ARHGAP1: variants seen among roughly 807,000 people sequenced by gnomAD.
ARHGAP1 encodes Rho GTPase activating protein 1.
Under a neutral mutation model 52.2 loss-of-function variants are expected in ARHGAP1, and 23 were observed. That is an observed-to-expected ratio of 0.44 (90% CI 0.32 to 0.62). ARHGAP1 has a LOEUF of 0.62. Ranked by LOEUF, ARHGAP1 falls within the 20% of genes least tolerant of loss-of-function variation. The pLI, the probability that ARHGAP1 is intolerant of heterozygous loss-of-function variation, is 0.05. For synonymous variants in ARHGAP1, 210 were observed against 228.4 expected, an observed-to-expected ratio of 0.92 and a Z score of 0.73; for missense variants, 480 against 560.9, an observed-to-expected ratio of 0.86 and a Z score of 1.46.
At position 46,679,707 on chromosome 11, in the gene ARHGAP1, C is replaced by T. The variant is rs749420115; in HGVS notation, c.968G>A (p.Arg323Gln). Residue 323 changes from arginine (R) to glutamine (Q), a missense_variant, in exon 11 of 13, where the codon CGG becomes CAG. Coordinates refer to ENST00000311956, the MANE Select transcript of ARHGAP1 (RefSeq NM_004308.5). The surrounding 1 kb of genome is among the most constrained non-coding windows in gnomAD (Gnocchi z 4.4). ...LPAVILKTFLRELPEPLLTFD... is the reference protein window; with the variant it reads ...LPAVILKTFLQELPEPLLTFD... ...GGTGAGCAGGGGCTCAGGAAGCTCCCGGAGGAAGGTCTTGAGGATGACTGC... is the reference window on the plus strand; with the variant it reads ...GGTGAGCAGGGGCTCAGGAAGCTCCTGGAGGAAGGTCTTGAGGATGACTGC... 2.5e-6 allele frequency: 4 copies of T among 1,613,986 alleles called. No individual in the cohort carries two copies. The highest frequency in any genetic ancestry group is 2.2e-5 in the East Asian group (1 of 44,896).
chr11:46,682,227 C>A (rs770854052), intron 4 of ARHGAP1, 45 bp from the exon 5 acceptor site: 10 of 1,597,132 alleles, frequency 6.3e-6, no homozygotes, highest in South Asian at 3.3e-5. Context: ...TGCACAGGGG[C>A]GGCCCCACGA....
In ARHGAP1 at chr11:46,677,917, C is replaced by T. The variant is rs545612403; in HGVS notation, c.*1120G>A. 1.5e-3 allele frequency: 668 copies of T among 434,172 alleles called. 10 individuals are homozygous for T. Among genetic ancestry groups the T allele is most frequent in the South Asian group, 0.01 (643 of 61,574 alleles). 26.9% of individuals were successfully genotyped at this position (434,172 alleles called of 1,614,324 possible). The stretch of plus-strand genomic sequence containing the variant: ...CGAGATCGCGCCACTGCACTCCAGC[C>T]TGGTGACAGAGCGAGACTCCATCTC... On this transcript the variant is annotated 3_prime_UTR_variant, in exon 13 of 13. Coordinates refer to ENST00000311956, the MANE Select transcript of ARHGAP1 (RefSeq NM_004308.5).
intron 3 of ARHGAP1, among the ~76,000 whole-genome samples, chr11:46,694,330 T>C (rs1282577994): frequency 2.0e-5 from 3 of 151,592 alleles, no homozygotes; most frequent in Non-Finnish European, 4.4e-5. Context: ...GAGACTGCAA[T>C]TAAGCTAGCC....
intron 3 of ARHGAP1, among the ~76,000 whole-genome samples, chr11:46,690,318 C>T (rs1306302190): frequency 1.3e-5 from 2 of 151,680 alleles, no homozygotes; most frequent in South Asian, 4.2e-4. Flanking sequence ...ACCCAGGAGA[C>T]GGAGCTTGCA....
Position 46,680,120 on chromosome 11 carries a change from A to G in ARHGAP1, c.898+85T>C, listed in dbSNP as rs1281651507. On this transcript the variant is annotated intron_variant, in intron 10 of 12. Transcript: ENST00000311956. This position sits in a 1 kb window ranked among gnomAD's most constrained non-coding sequence, Gnocchi z 5.9. The stretch of plus-strand genomic sequence containing the variant: ...ACCTCCAGCAGGAAGAGACTCTGAG[A>G]CTCTCATTTACAGGGCAGCAGAGGG... 9.0e-6 allele frequency: 13 copies of G among 1,441,840 alleles called. No individual in the cohort carries two copies. The East Asian group carries it at 3.0e-4, about 33-fold the overall frequency. 89.3% of individuals were successfully genotyped at this position (1,441,840 alleles called of 1,614,324 possible). A position where few individuals can be genotyped will look rare whatever the true frequency, so the allele number is the denominator to read the frequency against.
In ARHGAP1 at chr11:46,681,409, C is replaced by G. The variant is rs769759833; in HGVS notation, c.450-30G>C. On this transcript the variant is annotated intron_variant, in intron 5 of 12. Coordinates refer to ENST00000311956, the MANE Select transcript of ARHGAP1 (RefSeq NM_004308.5). The surrounding 1 kb of genome is among the most constrained non-coding windows in gnomAD (Gnocchi z 5.7). ...AGAGACAGAATGGACAACTCAGGAG[C>G]AGGCGTGGTGGGACAGGTGCCACGC... The G allele has an allele frequency of 6.5e-7, 1 of 1,548,330 alleles. No individual in the cohort carries two copies. Among genetic ancestry groups the G allele is most frequent in the Non-Finnish European group, 8.9e-7 (1 of 1,120,536 alleles).
At position 46,677,989 on chromosome 11, in the gene ARHGAP1, G is replaced by A. The variant is rs2064493157; in HGVS notation, c.*1048C>T. 6.9e-6 allele frequency: 3 copies of A among 434,266 alleles called. No individual in the cohort carries two copies. The highest frequency in any genetic ancestry group is 6.3e-5 in the African/African-American group (3 of 47,596). 26.9% of individuals were successfully genotyped at this position (434,266 alleles called of 1,614,324 possible). On this transcript the variant is annotated 3_prime_UTR_variant, in exon 13 of 13. Coordinates refer to ENST00000311956, the MANE Select transcript of ARHGAP1 (RefSeq NM_004308.5). ...GCCCTAGAGCCCCTTAATCCCCTGG[G>A]GAAATTGCTAGAACCCACCTATCTG...
intron 2 of ARHGAP1, 29 bp downstream of exon 2, chr11:46,695,946 T>C (rs1434200966): frequency 6.2e-7 from 1 of 1,614,090 alleles, no homozygotes; most frequent in Admixed American, 1.7e-5. Flanking sequence ...AAAGCGCCTG[T>C]AGCTGCCTGA....
At position 46,688,269 on chromosome 11, in the gene ARHGAP1, G is replaced by A. The variant is rs774872928; in HGVS notation, c.230-9C>T. On this transcript the variant is annotated splice_polypyrimidine_tract_variant and intron_variant, in intron 3 of 12. Transcript: ENST00000311956. ...CCCATACTTGTCATCTCCTAGGTGT[G>A]GAGAAAGATGGAGCACAGTGGGTTG... 11 of 1,610,680 alleles carry A rather than the reference G, an allele frequency of 6.8e-6. No individual in the cohort carries two copies. Among genetic ancestry groups the A allele is most frequent in the South Asian group, 2.2e-5 (2 of 90,568 alleles).
In ARHGAP1 at chr11:46,681,428, G is replaced by A. The variant is rs775641424; in HGVS notation, c.450-49C>T. ...CAGGAGCAGGCGTGGTGGGACAGGTGCCACGCTAGGGTCCCAGTGCATACT... is the reference window on the plus strand; with the variant it reads ...CAGGAGCAGGCGTGGTGGGACAGGTACCACGCTAGGGTCCCAGTGCATACT... On this transcript the variant is annotated intron_variant, in intron 5 of 12. Transcript: ENST00000311956. This position sits in a 1 kb window ranked among gnomAD's most constrained non-coding sequence, Gnocchi z 5.7. The A allele has an allele frequency of 7.2e-7, 1 of 1,381,830 alleles. No homozygotes were observed. Among genetic ancestry groups the A allele is most frequent in the South Asian group, 1.2e-5 (1 of 85,990 alleles). 85.6% of individuals were successfully genotyped at this position (1,381,830 alleles called of 1,614,324 possible). A position where few individuals can be genotyped will look rare whatever the true frequency, so the allele number is the denominator to read the frequency against.
chr11:46,695,761 G>A lies in ARHGAP1; in HGVS notation c.134-6C>T. The A allele has an allele frequency of 6.4e-7, 1 of 1,552,648 alleles. No homozygotes were observed. Among genetic ancestry groups the A allele is most frequent in the Non-Finnish European group, 8.7e-7 (1 of 1,147,408 alleles). On this transcript the variant is annotated splice_polypyrimidine_tract_variant and splice_region_variant and intron_variant, in intron 2 of 12. Transcript: ENST00000311956. ...GGAGCTGCTTTTGGAGTCATCTGAGGAACACAGCAGGGTCAGGGGACAAGC... is the reference window on the plus strand; with the variant it reads ...GGAGCTGCTTTTGGAGTCATCTGAGAAACACAGCAGGGTCAGGGGACAAGC...
intron 4 of ARHGAP1, chr11:46,687,063 CT>C (rs2064575362): frequency 6.6e-6 from 1 of 152,326 alleles, no homozygotes; most frequent in African/African-American, 2.4e-5. Context: ...CATCCACTGA[CT>C]TCCTCCCACT....
chr11:46,686,428 C>G (rs1025537679), intron 4 of ARHGAP1, among the ~76,000 whole-genome samples: 1 of 151,418 alleles, frequency 6.6e-6, no homozygotes, highest in Non-Finnish European at 1.5e-5. Flanking sequence ...CAGGCACGTT[C>G]TTTTTTTTGA....
rs1484581845 is a variant in ARHGAP1, at chr11:46,681,364, G to A, written c.465C>T (p.Ile155=). 3.7e-6 allele frequency: 6 copies of A among 1,611,968 alleles called. No homozygotes were observed. Among genetic ancestry groups the A allele is most frequent in the Non-Finnish European group, 5.1e-6 (6 of 1,178,158 alleles). Reference sequence around the variant, plus strand: ...TTGGATGCACGATGTACAAGGCCTTGATGTTTTTCTTGTACCTGCAGAGAC... The same window carrying A: ...TTGGATGCACGATGTACAAGGCCTTAATGTTTTTCTTGTACCTGCAGAGAC... ...REFDRKYKKN[I]KALYIVHPTM... is the part of the protein sequence containing the mutation. The change falls in exon 6 of 13, where the codon ATC becomes ATT. Residue 155 remains isoleucine (I), a synonymous_variant. Coordinates refer to ENST00000311956, the MANE Select transcript of ARHGAP1 (RefSeq NM_004308.5). The surrounding 1 kb of genome is among the most constrained non-coding windows in gnomAD (Gnocchi z 5.7).
In ARHGAP1 at chr11:46,681,622, CA is replaced by C. The variant is rs1195359754; in HGVS notation, c.450-244del. 7.4e-5 allele frequency: 33 copies of C among 448,516 alleles called. 1 individual carries two copies. Among genetic ancestry groups the C allele is most frequent in the South Asian group, 3.1e-4 (14 of 45,666 alleles). The allele number at this position is 448,516 out of a possible 1,614,324, so 27.8% of individuals were successfully genotyped here. The stretch of plus-strand genomic sequence containing the variant: ...CTAATTTTTGTATTTTTAGCGGAGA[CA>C]GGGTTTCACCATGTTGGCCAGGCTG... On this transcript the variant is annotated intron_variant, in intron 5 of 12. Coordinates refer to ENST00000311956, the MANE Select transcript of ARHGAP1 (RefSeq NM_004308.5). The surrounding 1 kb of genome is among the most constrained non-coding windows in gnomAD (Gnocchi z 5.7).
intron 4 of ARHGAP1, among the ~76,000 whole-genome samples, chr11:46,682,621 T>C (rs1467823129): frequency 6.6e-6 from 1 of 150,536 alleles, no homozygotes; most frequent in East Asian, 1.9e-4. Context: ...GAGGCGGAGG[T>C]TTCAGTGAGC....
chr11:46,680,405 C>G lies in ARHGAP1; in HGVS notation c.820+82G>C. 4.4e-6 allele frequency: 7 copies of G among 1,585,346 alleles called. No homozygotes were observed. The highest frequency in any genetic ancestry group is 6.1e-6 in the Non-Finnish European group (7 of 1,154,916). ...GGACGTTGAGGCTTGCAGGACCTCC[C>G]TCTGCCCTGCCCAGCAGCTTCCCCA... On this transcript the variant is annotated intron_variant, in intron 9 of 12. Coordinates refer to ENST00000311956, the MANE Select transcript of ARHGAP1 (RefSeq NM_004308.5). This position sits in a 1 kb window ranked among gnomAD's most constrained non-coding sequence, Gnocchi z 5.9.
chr11:46,677,946 A>G lies in ARHGAP1; in HGVS notation c.*1091T>C, dbSNP rs766622593. 1.8e-4 allele frequency: 61 copies of G among 334,854 alleles called. No homozygotes were observed. The highest frequency in any genetic ancestry group is 1.1e-3 in the African/African-American group (50 of 44,642). The allele number at this position is 334,854 out of a possible 1,614,324, so 20.7% of individuals were successfully genotyped here. ...TGACAGAGCGAGACTCCATCTCAGA[A>G]AAAAAAAAAAAAAGGTGGCCCTAGA... is the stretch of plus-strand genomic sequence containing the variant. On this transcript the variant is annotated 3_prime_UTR_variant, in exon 13 of 13. Transcript: ENST00000311956.
chr11:46,694,310 T>C (rs2064636265), intron 3 of ARHGAP1, among the ~76,000 whole-genome samples: 1 of 150,360 alleles, frequency 6.7e-6, no homozygotes, highest in Non-Finnish European at 1.5e-5. Flanking sequence ...AACTCCCAGC[T>C]CCCCAGGGTG....
Sources: allele counts gnomAD v4.1 joint callset (sites outside exome capture counted in the v4.1 genomes callset), GRCh38; gene constraint gnomAD v4.1.1; non-coding constraint Gnocchi (gnomAD v3.1); transcripts MANE v1.5; gene names NCBI Gene and HGNC (gene_info 2026-07-23, HGNC 2026-07-21).